The following SDK2 variants were observed in gnomAD, a reference collection of about 807,000 sequenced individuals.
The protein encoded by SDK2 is protein sidekick-2.
SDK2 carries 105 observed loss-of-function variants against 253.9 expected under a neutral mutation model. The observed-to-expected ratio is 0.41, with a 90% CI of 0.35 to 0.49. The LOEUF (loss-of-function observed/expected upper bound fraction) is 0.49, where lower values mean the gene tolerates loss of function less well. Among genes scored for constraint, SDK2 ranks in the 20% least tolerant of loss-of-function variants. SDK2 has a pLI of 0.06. For synonymous variants in SDK2, 1,249 were observed against 1,234.9 expected (o/e 1.01, Z -0.24); for missense variants, 2,608 against 3,003.0 (o/e 0.87, Z 3.07).
At chr17:73,623,948 C>T (rs1244713970) in intron 1 of SDK2, among the ~76,000 whole-genome samples, 5 of 152,188 alleles carry the variant, frequency 3.3e-5, no homozygotes, top group Admixed American at 3.3e-4. Context: ...AAAGACAGCA[C>T]GGCAGACAGA....
At chr17:73,518,989 T>C (rs1297114857) in intron 1 of SDK2, 1 of 152,214 alleles carries the variant, frequency 6.6e-6, no homozygotes, top group East Asian at 1.9e-4. Context: ...TTGTCCACCA[T>C]GCAGGTACCA....
intron 24 of SDK2, among the ~76,000 whole-genome samples, chr17:73,396,966 CG>C (rs1170013986): frequency 2.0e-5 from 3 of 152,214 alleles, no homozygotes; most frequent in South Asian, 2.1e-4. Flanking sequence ...CGAGGACTGA[CG>C]GCGCCAAGCG....
At position 73,443,418 on chromosome 17, in the gene SDK2, T is replaced by C. The variant is rs1567776303; in HGVS notation, c.614-2495A>G. On this transcript the variant is annotated intron_variant, in intron 5 of 44. Transcript: ENST00000392650. This position sits in a 1 kb window ranked among gnomAD's most constrained non-coding sequence, Gnocchi z 4.6. ...ATAAAAGTGTGCTCTAAGTTGTTTA[T>C]TACATGCGGGGGCGCGCAGGTACCA... Among the ~76,000 whole-genome samples, 1 of 152,206 alleles carries C rather than the reference T, an allele frequency of 6.6e-6. No homozygotes were observed. Among genetic ancestry groups the C allele is most frequent in the East Asian group, 1.9e-4 (1 of 5,188 alleles).
rs143741327 is a variant in SDK2 at position 73,479,815 on chromosome 17, C to T, written c.225-7597G>A. On this transcript the variant is annotated intron_variant, in intron 2 of 44. Coordinates refer to ENST00000392650, the MANE Select transcript of SDK2 (RefSeq NM_001144952.2). ...AAGCAATTCTCCTGCCTCAGCCTCCCAAGTAGCTGGGATTACGGGCACCTG... is the reference window on the plus strand; with the variant it reads ...AAGCAATTCTCCTGCCTCAGCCTCCTAAGTAGCTGGGATTACGGGCACCTG... 8.2e-3 allele frequency among the ~76,000 whole-genome samples: 1,252 copies of T among 152,298 alleles called. 10 individuals carry two copies. Among genetic ancestry groups the T allele is most frequent in the African/African-American group, 0.023 (947 of 41,552 alleles).
Position 73,437,755 on chromosome 17 carries a change from G to T in SDK2, c.984C>A (p.Ile328=). ...CCTCATTACCTTTGGCCTGACAGGG[G>T]ATGTCCACCACCTTCTCCATCTCCG... is the stretch of plus-strand genomic sequence containing the variant. ...ITAEMEKVVD[I]PCQAKGVPPP... is the part of the protein sequence containing the mutation. The change falls in exon 8 of 45, where the codon ATC becomes ATA. Residue 328 remains isoleucine, a synonymous_variant. Coordinates refer to ENST00000392650, the MANE Select transcript of SDK2 (RefSeq NM_001144952.2). 2 of 1,613,926 alleles carry T rather than the reference G, an allele frequency of 1.2e-6. No individual in the cohort carries two copies. Among genetic ancestry groups the T allele is most frequent in the East Asian group, 2.2e-5 (1 of 44,878 alleles).
chr17:73,367,585 C>G (rs2062696610), intron 37 of SDK2, among the ~76,000 whole-genome samples: 1 of 152,070 alleles, frequency 6.6e-6, no homozygotes, highest in South Asian at 2.1e-4. Context: ...TCACTGCAAC[C>G]TCCACCTCCC....
At chr17:73,436,046 A>G (rs2063365715) in intron 8 of SDK2, among the ~76,000 whole-genome samples, 2 of 152,034 alleles carry the variant, frequency 1.3e-5, no homozygotes, top group South Asian at 4.2e-4. Flanking sequence ...GAGCCACTGC[A>G]CCTGGCCTAA....
At chr17:73,476,576 G>T (rs1381555927) in intron 2 of SDK2, among the ~76,000 whole-genome samples, 1 of 152,160 alleles carries the variant, frequency 6.6e-6, no homozygotes, top group Non-Finnish European at 1.5e-5. Flanking sequence ...TGTCAGTGAG[G>T]CGTGGTGAAA....
chr17:73,563,430 T>G (rs2045267502), intron 1 of SDK2, among the ~76,000 whole-genome samples: 1 of 151,968 alleles, frequency 6.6e-6, no homozygotes, highest in Non-Finnish European at 1.5e-5. Flanking sequence ...GATAAAAAAT[T>G]AGCTGGGTGC....
rs746948415 is a variant in SDK2, at chr17:73,609,334, G to A, written c.64+34691C>T. On this transcript the variant is annotated intron_variant, in intron 1 of 44. Coordinates refer to ENST00000392650, the MANE Select transcript of SDK2 (RefSeq NM_001144952.2). The surrounding 1 kb of genome is among the most constrained non-coding windows in gnomAD (Gnocchi z 4.4). ...GAGAGCCCAGAACTGAGTCCAGAAC[G>A]CCCTGACATCAGAGGCTGGACCAGG... Among the ~76,000 whole-genome samples, 4 of 152,138 alleles carry A rather than the reference G, an allele frequency of 2.6e-5. No homozygotes were observed. Among genetic ancestry groups the A allele is most frequent in the Admixed American group, 1.3e-4 (2 of 15,280 alleles).
At chr17:73,565,050 T>C (rs2045292956) in intron 1 of SDK2, among the ~76,000 whole-genome samples, 2 of 152,154 alleles carry the variant, frequency 1.3e-5, no homozygotes, top group Admixed American at 6.5e-5. Context: ...CCCATATTTA[T>C]GGGTATTTGT....
rs1031095260 is a variant in SDK2, at chr17:73,368,593, T to G, written c.4981A>C (p.Ile1661Leu). Residue 1661 changes from isoleucine to leucine, a missense_variant and splice_region_variant, in exon 37 of 45, where the codon ATT (isoleucine) becomes CTT (leucine). Coordinates refer to ENST00000392650, the MANE Select transcript of SDK2 (RefSeq NM_001144952.2). ...CCCCGCTGGGCTTCCCAGAAATAAA[T>G]CTGTGGGAACAGAAGGATGTGGGAG... is the stretch of plus-strand genomic sequence containing the variant. ...SQNGDIQGYK[I>L]YFWEAQRGNL... 6.4e-7 allele frequency: 1 copy of G among 1,571,600 alleles called. No homozygotes were observed. The highest frequency in any genetic ancestry group is 8.6e-7 in the Non-Finnish European group (1 of 1,157,436).
chr17:73,439,805 T>TG (rs2145629505), intron 6 of SDK2, among the ~76,000 whole-genome samples: 1 of 152,228 alleles, frequency 6.6e-6, no homozygotes, highest in Admixed American at 6.5e-5. Flanking sequence ...AGTACAGGCC[T>TG]GGGGGAGAGG....
At position 73,440,935 on chromosome 17, in the gene SDK2, T is replaced by C; in HGVS notation, c.614-12A>G. On this transcript the variant is annotated splice_polypyrimidine_tract_variant and intron_variant, in intron 5 of 44. Transcript: ENST00000392650. ...AGGCCCCCCTACATCTGGAGAGAGA[T>C]CAGATGTTAGCTGGGGGCGAGGCTG... The C allele has an allele frequency of 6.6e-7, 1 of 1,526,112 alleles. No individual in the cohort carries two copies. The highest frequency in any genetic ancestry group is 8.9e-7 in the Non-Finnish European group (1 of 1,124,756). The allele number at this position is 1,526,112 out of a possible 1,614,324, so 94.5% of individuals were successfully genotyped here. A position where few individuals can be genotyped will look rare whatever the true frequency, so the allele number is the denominator to read the frequency against.
At chr17:73,368,907 G>C (rs1162799119) in intron 36 of SDK2, among the ~76,000 whole-genome samples, 1 of 151,996 alleles carries the variant, frequency 6.6e-6, no homozygotes, top group Middle Eastern at 3.2e-3. Context: ...AGCTACTCTG[G>C]AGGCTGAGGC....
intron 18 of SDK2, among the ~76,000 whole-genome samples, chr17:73,404,885 A>G (rs77096732): frequency 0.061 from 9,218 of 152,088 alleles, 401 homozygotes; most frequent in East Asian, 0.15. Flanking sequence ...ACTGAGCAGC[A>G]GTGCTGCTGA....
In SDK2 at chr17:73,618,183, C is replaced by A. The variant is rs2046084514; in HGVS notation, c.64+25842G>T. On this transcript the variant is annotated intron_variant, in intron 1 of 44. Transcript: ENST00000392650. The surrounding 1 kb of genome is among the most constrained non-coding windows in gnomAD (Gnocchi z 4.1). ...AGGTAGGGAAATGGTAATTTGCTAA[C>A]CCAAACCCATTCATTAGCCTGTAAA... Among the ~76,000 whole-genome samples, 1 of 152,188 alleles carries A rather than the reference C, an allele frequency of 6.6e-6. No homozygotes were observed. The highest frequency in any genetic ancestry group is 1.5e-5 in the Non-Finnish European group (1 of 68,040).
At chr17:73,578,301 G>A (rs2045485431) in intron 1 of SDK2, among the ~76,000 whole-genome samples, 1 of 152,132 alleles carries the variant, frequency 6.6e-6, no homozygotes, top group Non-Finnish European at 1.5e-5. Context: ...CTGACTTCAG[G>A]CAATCTGCCC....
chr17:73,542,639 G>A (rs2044887729), intron 1 of SDK2, among the ~76,000 whole-genome samples: 1 of 152,152 alleles, frequency 6.6e-6, no homozygotes, highest in South Asian at 2.1e-4. Flanking sequence ...GAGGCAGCAA[G>A]GGGAGAGGGA....
Sources: allele counts gnomAD v4.1 joint callset (sites outside exome capture counted in the v4.1 genomes callset), GRCh38; gene constraint gnomAD v4.1.1; non-coding constraint Gnocchi (gnomAD v3.1); transcripts MANE v1.5; gene names NCBI Gene and HGNC (gene_info 2026-07-23, HGNC 2026-07-21).